KIF4A: variants seen among roughly 807,000 people sequenced by gnomAD.
KIF4A encodes kinesin family member 4A.
A neutral mutation model predicts 105.9 loss-of-function variants in KIF4A; 7 were observed. The observed-to-expected ratio is 0.07, with a 90% confidence interval of 0.04 to 0.12. The LOEUF (loss-of-function observed/expected upper bound fraction) is 0.12, where lower values mean the gene tolerates loss of function less well. Ranked by LOEUF, KIF4A falls within the 10% of genes least tolerant of loss-of-function variation. KIF4A has a pLI of 1.00. For missense variants in KIF4A, 558 were observed against 929.2 expected, an observed-to-expected ratio of 0.60 and a Z score of 5.19; for synonymous variants, 281 against 331.3, an observed-to-expected ratio of 0.85 and a Z score of 1.65.
chrX:70,341,417 G>A (rs912231417), intron 10 of KIF4A, among the ~76,000 whole-genome samples: 8 of 111,416 alleles, frequency 7.2e-5, no homozygotes, highest in African/African-American at 2.6e-4. Context: ...ATTAGGGATT[G>A]AGGGTGGGAA....
chrX:70,399,123 C>T (rs898631730), intron 22 of KIF4A, among the ~76,000 whole-genome samples: 5 of 112,063 alleles, frequency 4.5e-5, no homozygotes, highest in Admixed American at 1.9e-4. Context: ...TCCTGTGTGA[C>T]GAAACAGGAA....
chrX:70,390,903 A>T (rs1412982936), intron 20 of KIF4A, among the ~76,000 whole-genome samples: 1 of 111,649 alleles, frequency 9.0e-6, no homozygotes, highest in Non-Finnish European at 1.9e-5. Context: ...ATAATTCGAG[A>T]TTAATTTGTG....
intron 15 of KIF4A, among the ~76,000 whole-genome samples, chrX:70,365,352 C>A (rs930321898): frequency 3.6e-5 from 4 of 111,361 alleles, no homozygotes; most frequent in African/African-American, 9.8e-5. Context: ...CAGTTTTTGC[C>A]CATTCAGTAT....
intron 7 of KIF4A, among the ~76,000 whole-genome samples, chrX:70,325,198 A>T (rs1288791434): frequency 8.9e-6 from 1 of 112,566 alleles, no homozygotes; most frequent in African/African-American, 3.2e-5. Flanking sequence ...TTTTAAATTC[A>T]TGTAAATTTA....
chrX:70,338,932 A>C (rs892920870), intron 10 of KIF4A, among the ~76,000 whole-genome samples: 1 of 109,949 alleles, frequency 9.1e-6, no homozygotes, highest in Non-Finnish European at 1.9e-5. Flanking sequence ...AAAAATAGAA[A>C]AAATTAGCTG....
At chrX:70,419,838 T>C (rs2086359424) in intron 30 of KIF4A, 55 bp downstream of exon 30, 2 of 1,193,064 alleles carry the variant, frequency 1.7e-6, no homozygotes, top group African/African-American at 3.5e-5. Flanking sequence ...CTTCTCTGCA[T>C]TATCTATGAG....
At chrX:70,399,901 T>C (rs1265990349) in intron 22 of KIF4A, among the ~76,000 whole-genome samples, 1 of 100,950 alleles carries the variant, frequency 9.9e-6, no homozygotes, top group Admixed American at 1.1e-4. Flanking sequence ...TGTATACATA[T>C]GTAACCTGCA....
At chrX:70,379,700 A>G (rs1410016628) in intron 18 of KIF4A, among the ~76,000 whole-genome samples, 1 of 109,309 alleles carries the variant, frequency 9.1e-6, no homozygotes, top group Non-Finnish European at 1.9e-5. Context: ...CTGAGACACA[A>G]GAATTGCTTG....
chrX:70,343,976 G>A lies in KIF4A; in HGVS notation c.1425G>A (p.Gln475=). 1 of 1,191,291 alleles carries A rather than the reference G, an allele frequency of 8.4e-7. No homozygotes were observed. Among genetic ancestry groups the A allele is most frequent in the Non-Finnish European group, 1.1e-6 (1 of 877,497 alleles). Residue 475 remains glutamine (Q), a synonymous_variant, in exon 13 of 31, where the codon CAG becomes CAA. Coordinates refer to ENST00000374403, the MANE Select transcript of KIF4A (RefSeq NM_012310.5). ...GTAACCTGCAGCAATTGATTACCCAGTTATCGGTAAGCCAAGTAGGGGCAG... is the reference window on the plus strand; with the variant it reads ...GTAACCTGCAGCAATTGATTACCCAATTATCGGTAAGCCAAGTAGGGGCAG... ...IICNLQQLIT[Q]LSDETVACMA...
At chrX:70,330,385 G>T in intron 9 of KIF4A, 53 bp downstream of exon 9, 2 of 1,045,764 alleles carry the variant, frequency 1.9e-6, no homozygotes, top group Non-Finnish European at 2.6e-6. Flanking sequence ...TGAGTGGAAT[G>T]ATAGAGCTTC....
intron 3 of KIF4A, among the ~76,000 whole-genome samples, chrX:70,292,269 G>T (rs2085764195): frequency 8.9e-6 from 1 of 112,005 alleles, no homozygotes; most frequent in Non-Finnish European, 1.9e-5. Context: ...AATTGTCCCA[G>T]TAAATATTTT....
chrX:70,336,121 T>C (rs1163747140), intron 10 of KIF4A, among the ~76,000 whole-genome samples: 1 of 112,053 alleles, frequency 8.9e-6, no homozygotes, highest in Non-Finnish European at 1.9e-5. Flanking sequence ...TGTATACTCT[T>C]TGTAGCTTTG....
intron 9 of KIF4A, among the ~76,000 whole-genome samples, chrX:70,331,692 T>C (rs2085931598): frequency 2.7e-5 from 3 of 110,442 alleles, no homozygotes; most frequent in African/African-American, 9.8e-5. Context: ...CACAATAAAC[T>C]GAGATGTGCC....
intron 15 of KIF4A, among the ~76,000 whole-genome samples, chrX:70,365,275 C>T (rs138882065): frequency 0.13 from 14,047 of 111,217 alleles, 775 homozygotes; most frequent in East Asian, 0.23. Flanking sequence ...ACTTCCAACA[C>T]TATGTTGAAT....
intron 6 of KIF4A, 114 bp downstream of exon 6, chrX:70,302,180 G>A: frequency 9.3e-7 from 1 of 1,080,180 alleles, no homozygotes; most frequent in Non-Finnish European, 1.3e-6. Context: ...TTGTGAGCAC[G>A]AGTGACTAAT....
chrX:70,323,810 A>ATAAT (rs2085900552), intron 7 of KIF4A, among the ~76,000 whole-genome samples: 1 of 94,610 alleles, frequency 1.1e-5, no homozygotes, highest in South Asian at 5.5e-4. Context: ...CTGGCATTTA[A>ATAAT]TATTTATTTA....
At chrX:70,307,476 A>T (rs1387289937) in intron 7 of KIF4A, among the ~76,000 whole-genome samples, 1 of 111,498 alleles carries the variant, frequency 9.0e-6, no homozygotes, top group Non-Finnish European at 1.9e-5. Flanking sequence ...TCCTGACTAG[A>T]AGCGCCAGTA....
chrX:70,404,214 G>C (rs900903482), intron 24 of KIF4A, among the ~76,000 whole-genome samples, 180 bp downstream of exon 24: 4 of 112,060 alleles, frequency 3.6e-5, no homozygotes, highest in African/African-American at 9.7e-5. Flanking sequence ...ATACATACCA[G>C]TGACAATGGC....
chrX:70,398,518 G>A lies in KIF4A; in HGVS notation c.2489+2469G>A, dbSNP rs142269075. Reference sequence around the variant, plus strand: ...ACATTTTGGAATAGATAAGGGACACGAATTGTCAGAGAAGACAGGAAAGGG... The same window carrying A: ...ACATTTTGGAATAGATAAGGGACACAAATTGTCAGAGAAGACAGGAAAGGG... On this transcript the variant is annotated intron_variant, in intron 22 of 30. Transcript: ENST00000374403. Among the ~76,000 whole-genome samples the A allele has an allele frequency of 4.7e-3, 531 of 111,937 alleles. 4 individuals carry two copies. Among genetic ancestry groups the A allele is most frequent in the African/African-American group, 0.016 (504 of 30,854 alleles).
Sources: gnomAD v4.1 joint callset for allele counts (sites outside exome capture counted in the v4.1 genomes callset) on GRCh38, gnomAD v4.1.1 for gene constraint, MANE v1.5 for transcripts, NCBI Gene and HGNC (gene_info 2026-07-23, HGNC 2026-07-21) for gene names.